RERG: variants seen among roughly 807,000 people sequenced by gnomAD.
RERG encodes the protein RAS like estrogen regulated growth inhibitor.
RERG carries 25 observed loss-of-function variants against 23.2 expected under a neutral mutation model. The ratio of observed to expected loss-of-function variants is 1.08; its 90% CI spans 0.79 to 1.50. RERG has a LOEUF of 1.50. Ranked by LOEUF, RERG falls within the 40% of genes most tolerant of loss-of-function variation. The probability of loss-of-function intolerance (pLI) is 0.00; values close to 1 mark genes in which losing one functional copy is unlikely to be tolerated. For missense variants in RERG, 253 were observed against 250.1 expected (o/e 1.01, Z -0.08); for synonymous variants, 81 against 89.1 (o/e 0.91, Z 0.51).
intron 2 of RERG, 99 bp downstream of exon 2, chr12:15,217,329 AG>A: frequency 1.3e-6 from 1 of 770,854 alleles, no homozygotes; most frequent in Non-Finnish European, 2.3e-6. Flanking sequence ...TGAAAATAGG[AG>A]GAATACCAAC....
chr12:15,149,911 C>T (rs1864409350), intron 2 of RERG, among the ~76,000 whole-genome samples: 1 of 152,200 alleles, frequency 6.6e-6, no homozygotes, highest in Non-Finnish European at 1.5e-5. Flanking sequence ...TCGATCATGT[C>T]ATACTTTCCT....
intron 3 of RERG, among the ~76,000 whole-genome samples, chr12:15,113,116 TTCTA>T: frequency 6.6e-6 from 1 of 152,300 alleles, no homozygotes; most frequent in East Asian, 1.9e-4. Context: ...TTCTAGATGA[TTCTA>T]TCAGTATATC....
intron 2 of RERG, among the ~76,000 whole-genome samples, chr12:15,145,647 A>G (rs1864319661): frequency 6.6e-6 from 1 of 152,206 alleles, no homozygotes; most frequent in Admixed American, 6.5e-5. Context: ...AGTGGATGGC[A>G]GCACAGAGGG....
chr12:15,172,658 T>C lies in RERG; in HGVS notation c.61+44771A>G, dbSNP rs73306743. The stretch of plus-strand genomic sequence containing the variant: ...GTTTGTTACTATTTTTAATTAAAGC[T>C]ATCCTAGTGGGTGCAGGTGGTATCA... On this transcript the variant is annotated intron_variant, in intron 2 of 4. Transcript: ENST00000256953. Among the ~76,000 whole-genome samples the C allele has an allele frequency of 1.0e-3, 159 of 152,236 alleles. 1 individual carries two copies. Among genetic ancestry groups the C allele is most frequent in the African/African-American group, 3.7e-3 (155 of 41,580 alleles).
At chr12:15,207,988 C>T (rs1174724013) in intron 2 of RERG, among the ~76,000 whole-genome samples, 1 of 152,082 alleles carries the variant, frequency 6.6e-6, no homozygotes, top group African/African-American at 2.4e-5. Flanking sequence ...CAATCAAACA[C>T]TAATGTAAGG....
intron 2 of RERG, among the ~76,000 whole-genome samples, chr12:15,140,309 G>C (rs938085570): frequency 6.6e-6 from 1 of 152,088 alleles, no homozygotes; most frequent in Non-Finnish European, 1.5e-5. Flanking sequence ...AAACCAGGAA[G>C]AGGGCCCTCA....
chr12:15,149,196 T>C (rs532543296), intron 2 of RERG, among the ~76,000 whole-genome samples: 2 of 152,092 alleles, frequency 1.3e-5, no homozygotes, highest in Non-Finnish European at 2.9e-5. Flanking sequence ...TAATGTTCAA[T>C]ATCTAATAGT....
At chr12:15,179,944 C>T (rs1390959865) in intron 2 of RERG, among the ~76,000 whole-genome samples, 1 of 151,940 alleles carries the variant, frequency 6.6e-6, no homozygotes, top group Non-Finnish European at 1.5e-5. Flanking sequence ...GGGTCAGGGG[C>T]CAGGCCAAAG....
chr12:15,202,471 G>T (rs956409127), intron 2 of RERG, among the ~76,000 whole-genome samples: 1 of 151,674 alleles, frequency 6.6e-6, no homozygotes, highest in Non-Finnish European at 1.5e-5. Context: ...TGCCATGCTT[G>T]CCAATCACCA....
chr12:15,173,568 C>A (rs1864805453), intron 2 of RERG, among the ~76,000 whole-genome samples: 1 of 151,874 alleles, frequency 6.6e-6, no homozygotes, highest in African/African-American at 2.4e-5. Context: ...GAGAATACTC[C>A]CATCTTGTCA....
chr12:15,113,820 T>C (rs1242011259), intron 3 of RERG, among the ~76,000 whole-genome samples: 4 of 151,934 alleles, frequency 2.6e-5, no homozygotes, highest in African/African-American at 9.7e-5. Flanking sequence ...AATCTAGAAT[T>C]TAATGCAATT....
chr12:15,174,108 T>G (rs1864813055), intron 2 of RERG, among the ~76,000 whole-genome samples: 1 of 152,086 alleles, frequency 6.6e-6, no homozygotes, highest in Non-Finnish European at 1.5e-5. Context: ...GCAGTCTTGA[T>G]AGAGACAAAT....
intron 2 of RERG, among the ~76,000 whole-genome samples, chr12:15,131,530 G>A (rs1320890458): frequency 6.6e-6 from 1 of 152,038 alleles, no homozygotes; most frequent in African/African-American, 2.4e-5. Flanking sequence ...TGATGTTAAT[G>A]CCTAAATTTT....
At position 15,112,353 on chromosome 12, in the gene RERG, A is replaced by T. The variant is rs984272313; in HGVS notation, c.119-936T>A. 21 of 152,384 alleles carry T rather than the reference A, an allele frequency of 1.4e-4. 1 individual carries two copies. The highest frequency in any genetic ancestry group is 5.1e-4 in the African/African-American group (21 of 41,544). 9.4% of individuals were successfully genotyped at this position (152,384 alleles called of 1,614,324 possible). A position where few individuals can be genotyped will look rare whatever the true frequency, so the allele number is the denominator to read the frequency against. ...AGTAGGGGAGGGCTGGGCAGCATGG[A>T]GGGGAGGTGGAACTATATGGAGTCC... On this transcript the variant is annotated intron_variant, in intron 3 of 4. Coordinates refer to ENST00000256953, the MANE Select transcript of RERG (RefSeq NM_032918.3).
At chr12:15,187,789 C>T (rs971723143) in intron 2 of RERG, among the ~76,000 whole-genome samples, 2 of 151,644 alleles carry the variant, frequency 1.3e-5, no homozygotes, top group African/African-American at 4.8e-5. Context: ...GAACTCCTGA[C>T]CTCAAGTGAT....
chr12:15,196,929 T>TA (rs201993570), intron 2 of RERG, among the ~76,000 whole-genome samples: 1,562 of 152,244 alleles, frequency 0.01, 26 homozygotes, highest in African/African-American at 0.036. Flanking sequence ...CCAAACCTCC[T>TA]AATTGTTAGT....
chr12:15,153,689 A>G (rs1413811703), intron 2 of RERG, among the ~76,000 whole-genome samples: 1 of 152,168 alleles, frequency 6.6e-6, no homozygotes, highest in Non-Finnish European at 1.5e-5. Context: ...GACTGAAGGG[A>G]AATTGTATGA....
intron 2 of RERG, among the ~76,000 whole-genome samples, chr12:15,172,442 G>C (rs1406145222): frequency 2.0e-5 from 3 of 152,008 alleles, no homozygotes; most frequent in Admixed American, 1.3e-4. Context: ...GAACTTCCAT[G>C]CACAAGATTT....
At chr12:15,119,351 T>C (rs1186980335) in intron 3 of RERG, among the ~76,000 whole-genome samples, 1 of 152,168 alleles carries the variant, frequency 6.6e-6, no homozygotes. Context: ...TAATTAAGAA[T>C]AATAAGATTA....
Sources: allele counts gnomAD v4.1 joint callset (sites outside exome capture counted in the v4.1 genomes callset), GRCh38; gene constraint gnomAD v4.1.1; transcripts MANE v1.5; gene names NCBI Gene and HGNC (gene_info 2026-07-23, HGNC 2026-07-21).